PAK3: variants seen among roughly 807,000 people sequenced by gnomAD.
PAK3 encodes p21 (RAC1) activated kinase 3.
A neutral mutation model predicts 41.0 loss-of-function variants in PAK3; 4 were observed. The observed-to-expected ratio is 0.10, with a 90% CI of 0.05 to 0.22. PAK3 has a LOEUF of 0.22. Among genes scored for constraint, PAK3 ranks in the 10% least tolerant of loss-of-function variants. PAK3 has a pLI of 1.00. For missense variants in PAK3, 205 were observed against 409.9 expected (o/e 0.50, Z 4.32); for synonymous variants, 146 against 139.6 (o/e 1.05, Z -0.32).
At chrX:111,012,945 G>A (rs183345052) in intron 1 of PAK3, among the ~76,000 whole-genome samples, 9 of 111,224 alleles carry the variant, frequency 8.1e-5, no homozygotes, top group Admixed American at 5.7e-4. Context: ...CACAGCACCC[G>A]GCTTATTTTT....
At chrX:111,083,974 T>C (rs1209976232) in intron 1 of PAK3, among the ~76,000 whole-genome samples, 7 of 112,953 alleles carry the variant, frequency 6.2e-5, no homozygotes, top group Non-Finnish European at 1.3e-4. Context: ...CTTATTTATT[T>C]AGTTTATGGA....
chrX:111,139,410 T>C (rs1428733998), intron 5 of PAK3, among the ~76,000 whole-genome samples: 2 of 112,277 alleles, frequency 1.8e-5, no homozygotes, highest in African/African-American at 6.5e-5. Context: ...ACTTCCTTAA[T>C]TGTTTATGCC....
At chrX:111,075,670 G>A (rs1166654424) in intron 1 of PAK3, among the ~76,000 whole-genome samples, 1 of 112,647 alleles carries the variant, frequency 8.9e-6, no homozygotes, top group Admixed American at 9.3e-5. Flanking sequence ...CACACTCAGA[G>A]CCCCAACCAG....
At chrX:111,160,488 G>T (rs193009316) in intron 8 of PAK3, among the ~76,000 whole-genome samples, 1,221 of 105,032 alleles carry the variant, frequency 0.012, 22 homozygotes, top group Admixed American at 0.059. Context: ...TATTATACTT[G>T]AAGTTTTAGG....
At chrX:111,119,422 G>A (rs988128521) in intron 4 of PAK3, among the ~76,000 whole-genome samples, 7 of 112,011 alleles carry the variant, frequency 6.2e-5, no homozygotes, top group African/African-American at 2.3e-4. Flanking sequence ...AATGGCCTGT[G>A]GCTATATCTA....
chrX:111,209,174 A>T (rs774986367), intron 16 of PAK3, among the ~76,000 whole-genome samples: 1 of 110,513 alleles, frequency 9.0e-6, no homozygotes, highest in African/African-American at 3.3e-5. Flanking sequence ...TTCTAGGAGC[A>T]CTCCCATAAC....
chrX:111,008,955 C>G (rs1018041798), intron 1 of PAK3, among the ~76,000 whole-genome samples: 1 of 110,830 alleles, frequency 9.0e-6, no homozygotes, highest in Non-Finnish European at 1.9e-5. Flanking sequence ...CTCTTTGAAC[C>G]CCAAGCCAGA....
chrX:111,035,451 T>C (rs1171686985), intron 1 of PAK3, among the ~76,000 whole-genome samples: 1 of 111,437 alleles, frequency 9.0e-6, no homozygotes, highest in African/African-American at 3.3e-5. Flanking sequence ...AACCACCTGT[T>C]GTTCTTTACT....
chrX:111,122,568 C>T (rs774208692), intron 4 of PAK3, among the ~76,000 whole-genome samples: 126 of 111,035 alleles, frequency 1.1e-3, no homozygotes, highest in South Asian at 2.4e-3. Context: ...CAGGAGAGTG[C>T]ATTTTGTGAC....
intron 11 of PAK3, among the ~76,000 whole-genome samples, chrX:111,184,577 T>C (rs772405021): frequency 5.4e-5 from 5 of 92,925 alleles, no homozygotes; most frequent in Non-Finnish European, 8.5e-5. Context: ...CAGGCCCCGG[T>C]GTGTGATGTT....
rs1035543294 is a variant in PAK3 at position 111,163,790 on chromosome X, G to A, written c.766+63G>A. 3.9e-5 allele frequency: 35 copies of A among 904,492 alleles called. No individual in the cohort carries two copies. The African/African-American group carries it at 5.5e-4, about 14-fold the overall frequency. 74.5% of individuals were successfully genotyped at this position (904,492 alleles called of 1,213,427 possible). The stretch of plus-strand genomic sequence containing the variant: ...GTGTTTCTCATAAGCCATTTAAAAT[G>A]GGAATTGATCCTTTGGAAGTTTTAA... On this transcript the variant is annotated intron_variant, in intron 10 of 17. Transcript: ENST00000372007.
chrX:110,987,942 C>T (rs1018388427), intron 1 of PAK3, among the ~76,000 whole-genome samples: 1 of 112,109 alleles, frequency 8.9e-6, no homozygotes, highest in Non-Finnish European at 1.9e-5. Flanking sequence ...AACCTCTGAG[C>T]TTCAGTTTCC....
chrX:111,191,562 T>A (rs2094560797), intron 11 of PAK3, among the ~76,000 whole-genome samples: 1 of 111,943 alleles, frequency 8.9e-6, no homozygotes, highest in Admixed American at 9.5e-5. Context: ...GAGATTGGTC[T>A]TTAGATGAAG....
At chrX:110,960,070 G>A (rs1040661388) in intron 1 of PAK3, among the ~76,000 whole-genome samples, 1 of 111,611 alleles carries the variant, frequency 9.0e-6, no homozygotes, top group Admixed American at 9.5e-5. Flanking sequence ...CCTAAGTCCT[G>A]CTTTTCTCCT....
chrX:111,037,428 A>G (rs2092411541), intron 1 of PAK3, among the ~76,000 whole-genome samples: 1 of 111,892 alleles, frequency 8.9e-6, no homozygotes, highest in African/African-American at 3.2e-5. Context: ...GCCTTCTCAC[A>G]TTCCTTGTTC....
chrX:111,159,836 G>A (rs1292152147), intron 8 of PAK3, among the ~76,000 whole-genome samples: 1 of 111,865 alleles, frequency 8.9e-6, no homozygotes, highest in Non-Finnish European at 1.9e-5. Context: ...AAACCACTTA[G>A]CATTTATATC....
chrX:111,088,501 T>C (rs528120130), intron 1 of PAK3, among the ~76,000 whole-genome samples: 3 of 112,016 alleles, frequency 2.7e-5, no homozygotes, highest in African/African-American at 9.7e-5. Context: ...TTATTAGACA[T>C]CTGTTATGTA....
intron 1 of PAK3, among the ~76,000 whole-genome samples, chrX:111,060,111 T>C (rs1319073173): frequency 1.8e-5 from 2 of 111,854 alleles, no homozygotes. Context: ...TCCTTCCCTC[T>C]CTTGTTTGTT....
chrX:111,212,274 T>C (rs980837133), intron 16 of PAK3, among the ~76,000 whole-genome samples: 1 of 112,210 alleles, frequency 8.9e-6, no homozygotes, highest in African/African-American at 3.2e-5. Context: ...CCCAGAACTA[T>C]TGTCCTTAAT....
Sources: gnomAD v4.1 joint callset for allele counts (sites outside exome capture counted in the v4.1 genomes callset) on GRCh38, gnomAD v4.1.1 for gene constraint, MANE v1.5 for transcripts, NCBI Gene and HGNC (gene_info 2026-07-23, HGNC 2026-07-21) for gene names.